SLC9A9: variants seen among roughly 807,000 people sequenced by gnomAD.
SLC9A9 encodes sodium/hydrogen exchanger 9.
SLC9A9 carries 62 observed loss-of-function variants against 77.8 expected under a neutral mutation model. The observed-to-expected ratio is 0.80, with a 90% confidence interval of 0.65 to 0.98. The LOEUF (loss-of-function observed/expected upper bound fraction) is 0.98. Among genes scored for constraint, SLC9A9 ranks in the 50% least tolerant of loss-of-function variants. The pLI is 0.00. For missense variants in SLC9A9, 775 were observed against 774.9 expected, an observed-to-expected ratio of 1.00 and a Z score of 0.00; for synonymous variants, 320 against 283.5, an observed-to-expected ratio of 1.13 and a Z score of -1.29.
rs1559890991 is a variant in SLC9A9, at chr3:143,382,134, A to C, written c.1470-20T>G. 1.2e-6 allele frequency: 2 copies of C among 1,613,928 alleles called. No homozygotes were observed. The highest frequency in any genetic ancestry group is 1.7e-6 in the Non-Finnish European group (2 of 1,179,926). On this transcript the variant is annotated intron_variant, in intron 12 of 15. Coordinates refer to ENST00000316549, the MANE Select transcript of SLC9A9 (RefSeq NM_173653.4). ...CCAACTCTGTTAAACAAAACCAAAA[A>C]CTGGTCAATCCCCTGCTGCAGAAGG...
chr3:143,373,837 C>G (rs1424827877), intron 13 of SLC9A9, among the ~76,000 whole-genome samples: 1 of 151,752 alleles, frequency 6.6e-6, no homozygotes, highest in Non-Finnish European at 1.5e-5. Flanking sequence ...TATTAAGTAG[C>G]CTAATGTATA....
chr3:143,827,837 TCACAAAGGAAAAGGACCCAGTGGGGC>T (rs1462478334), intron 2 of SLC9A9, among the ~76,000 whole-genome samples: 2 of 152,206 alleles, frequency 1.3e-5, no homozygotes, highest in African/African-American at 4.8e-5. Context: ...TTAAAATATA[TCACAAAGGAAAAGGACCCAGTGGGGC>T]CACACTAATG....
Position 143,796,865 on chromosome 3 carries a change from C to T in SLC9A9, c.417G>A (p.Leu139=). Reference sequence around the variant, plus strand: ...ATCCTGCATGAAATATAATTGGTGGCAGTAAAACATTGAAGAAGATTTCTG... The same window carrying T: ...ATCCTGCATGAAATATAATTGGTGGTAGTAAAACATTGAAGAAGATTTCTG... ...FDPEIFFNVL[L]PPIIFHAGYS... The change falls in exon 3 of 16, where the codon CTG becomes CTA. Residue 139 remains leucine (L), a synonymous_variant. Coordinates refer to ENST00000316549, the MANE Select transcript of SLC9A9 (RefSeq NM_173653.4). 6.2e-7 allele frequency: 1 copy of T among 1,611,294 alleles called. No individual in the cohort carries two copies. The highest frequency in any genetic ancestry group is 1.3e-5 in the African/African-American group (1 of 74,762).
At chr3:143,710,958 A>G (rs1032317839) in intron 4 of SLC9A9, among the ~76,000 whole-genome samples, 5 of 152,244 alleles carry the variant, frequency 3.3e-5, no homozygotes, top group African/African-American at 1.2e-4. Flanking sequence ...GACAAGTAAC[A>G]AACTTATAAA....
At chr3:143,799,789 CT>C (rs2008498647) in intron 2 of SLC9A9, among the ~76,000 whole-genome samples, 1 of 152,226 alleles carries the variant, frequency 6.6e-6, no homozygotes, top group African/African-American at 2.4e-5. Flanking sequence ...CGGAAGCCCC[CT>C]AGACCATCAC....
intron 2 of SLC9A9, among the ~76,000 whole-genome samples, chr3:143,815,508 T>G (rs1019497581): frequency 2.6e-5 from 4 of 152,080 alleles, no homozygotes; most frequent in African/African-American, 9.7e-5. Context: ...GCCCCTTTTT[T>G]GTTAGATTTT....
intron 9 of SLC9A9, among the ~76,000 whole-genome samples, chr3:143,496,967 C>T (rs563526276): frequency 2.1e-4 from 32 of 152,188 alleles, no homozygotes; most frequent in Non-Finnish European, 3.4e-4. Context: ...TGTCCTCACA[C>T]CGAGGAGAGA....
At chr3:143,804,697 C>T (rs2008663545) in intron 2 of SLC9A9, among the ~76,000 whole-genome samples, 1 of 152,198 alleles carries the variant, frequency 6.6e-6, no homozygotes, top group African/African-American at 2.4e-5. Context: ...GCTCCCTGTT[C>T]CCCTCATGAC....
At chr3:143,296,925 G>T (rs1319255516) in intron 14 of SLC9A9, among the ~76,000 whole-genome samples, 1 of 151,994 alleles carries the variant, frequency 6.6e-6, no homozygotes, top group Admixed American at 6.6e-5. Context: ...TTGTATATTT[G>T]CCCTTTATCA....
intron 14 of SLC9A9, among the ~76,000 whole-genome samples, chr3:143,324,815 T>C (rs966319773): frequency 6.6e-6 from 1 of 152,112 alleles, no homozygotes; most frequent in African/African-American, 2.4e-5. Context: ...GAGGAAACCC[T>C]GTTTTTTAAA....
chr3:143,389,053 T>C (rs1459030037), intron 12 of SLC9A9, among the ~76,000 whole-genome samples: 2 of 152,230 alleles, frequency 1.3e-5, no homozygotes, highest in African/African-American at 4.8e-5. Flanking sequence ...GTGAGGGTCA[T>C]GAACACAGAG....
At chr3:143,293,758 G>C (rs1264017831) in intron 14 of SLC9A9, among the ~76,000 whole-genome samples, 3 of 152,150 alleles carry the variant, frequency 2.0e-5, no homozygotes, top group Non-Finnish European at 4.4e-5. Context: ...GGTAGTCTCA[G>C]AGTCAAAAGC....
intron 6 of SLC9A9, among the ~76,000 whole-genome samples, chr3:143,613,412 C>T (rs916326191): frequency 6.6e-6 from 1 of 152,284 alleles, no homozygotes; most frequent in East Asian, 1.9e-4. Context: ...CCAGAATCTC[C>T]AGAATATGTT....
rs530826983 is a variant in SLC9A9, at chr3:143,752,279, C to T, written c.533+42722G>A. Among the ~76,000 whole-genome samples, 17 of 152,292 alleles carry T rather than the reference C, an allele frequency of 1.1e-4. No homozygotes were observed. In the East Asian group the frequency reaches 3.1e-3, roughly 28 times the overall value. On this transcript the variant is annotated intron_variant, in intron 4 of 15. Transcript: ENST00000316549. ...GATATGGAAACAAACTATTCACAGG[C>T]TTCTAGAAACATCTGGCCCCCATTC...
chr3:143,610,135 T>C (rs1489506381), intron 6 of SLC9A9, among the ~76,000 whole-genome samples: 1 of 151,778 alleles, frequency 6.6e-6, no homozygotes, highest in Non-Finnish European at 1.5e-5. Flanking sequence ...ACTTTCGGAG[T>C]TTTCCTTTAT....
chr3:143,821,789 G>A (rs1200252445), intron 2 of SLC9A9, among the ~76,000 whole-genome samples: 1 of 152,126 alleles, frequency 6.6e-6, no homozygotes, highest in Non-Finnish European at 1.5e-5. Flanking sequence ...TCAAAAGCTG[G>A]GACAAGCCTG....
At chr3:143,811,442 C>G (rs1286327039) in intron 2 of SLC9A9, among the ~76,000 whole-genome samples, 1 of 152,144 alleles carries the variant, frequency 6.6e-6, no homozygotes, top group Non-Finnish European at 1.5e-5. Flanking sequence ...CCTCAGTTTC[C>G]TTATTCGTAC....
At chr3:143,539,857 T>C (rs2036655640) in intron 9 of SLC9A9, among the ~76,000 whole-genome samples, 1 of 149,662 alleles carries the variant, frequency 6.7e-6, no homozygotes, top group South Asian at 2.1e-4. Flanking sequence ...TAGTTTTTGT[T>C]TTCTAAAAGT....
At chr3:143,648,476 G>GTAC (rs1368141380) in intron 6 of SLC9A9, among the ~76,000 whole-genome samples, 7 of 152,194 alleles carry the variant, frequency 4.6e-5, no homozygotes, top group African/African-American at 1.7e-4. Context: ...AGCTCAGGCA[G>GTAC]TACTGCTCAC....
Sources: allele counts gnomAD v4.1 joint callset (sites outside exome capture counted in the v4.1 genomes callset), GRCh38; gene constraint gnomAD v4.1.1; transcripts MANE v1.5; gene names NCBI Gene and HGNC (gene_info 2026-07-23, HGNC 2026-07-21).